The following GMDS variants were observed in gnomAD, a reference collection of about 807,000 sequenced individuals.
The protein encoded by GMDS is GDP-mannose 4,6-dehydratase.
A neutral mutation model predicts 49.9 loss-of-function variants in GMDS; 20 were observed. The ratio of observed to expected loss-of-function variants is 0.40; its 90% CI spans 0.28 to 0.58. GMDS has a LOEUF of 0.58. Ranked by LOEUF, GMDS falls within the 20% of genes least tolerant of loss-of-function variation. GMDS has a pLI of 0.42. For missense variants in GMDS, 362 were observed against 481.4 expected, an observed-to-expected ratio of 0.75 and a Z score of 2.32; for synonymous variants, 177 against 178.6, an observed-to-expected ratio of 0.99 and a Z score of 0.07.
At chr6:1,751,083 T>C (rs1360741446) in intron 7 of GMDS, among the ~76,000 whole-genome samples, 5 of 152,176 alleles carry the variant, frequency 3.3e-5, no homozygotes, top group African/African-American at 1.2e-4. Flanking sequence ...CAGGGGCTTA[T>C]AGATAAAACT....
chr6:1,917,580 C>G (rs1761468421), intron 7 of GMDS, among the ~76,000 whole-genome samples: 1 of 152,156 alleles, frequency 6.6e-6, no homozygotes, highest in Non-Finnish European at 1.5e-5. Flanking sequence ...AAATTTGAGA[C>G]CCAGGCAAAA....
At chr6:1,811,555 CTTT>C (rs67339222) in intron 7 of GMDS, among the ~76,000 whole-genome samples, 1 of 119,062 alleles carries the variant, frequency 8.4e-6, no homozygotes, top group Admixed American at 8.7e-5. Context: ...ACTAGTCAAG[CTTT>C]TTTTTTTTTT....
chr6:1,837,959 G>T (rs1263972042), intron 7 of GMDS, among the ~76,000 whole-genome samples: 4 of 152,134 alleles, frequency 2.6e-5, no homozygotes, highest in Non-Finnish European at 2.9e-5. Flanking sequence ...GCTCTGAAAG[G>T]CTTGACAAAT....
rs182750051 is a variant in GMDS, at chr6:1,712,846, T to G, written c.987+13570A>C. ...CTAGCAAGCAATAGGTTATTAAGTT[T>G]GGATTTCAATAGAGGTTGTTAGCAG... On this transcript the variant is annotated intron_variant, in intron 9 of 10. Coordinates refer to ENST00000380815, the MANE Select transcript of GMDS (RefSeq NM_001500.4). Among the ~76,000 whole-genome samples the G allele has an allele frequency of 2.6e-5, 4 of 152,300 alleles. No individual in the cohort carries two copies. The East Asian group carries it at 7.7e-4, about 29-fold the overall frequency.
Position 2,168,557 on chromosome 6 carries a change from T to C in GMDS, c.103-43826A>G, listed in dbSNP as rs2127552297. ...TTATACATTGAGAGAGGATACACTGTAGAAAAGACCCTAACTATGCTTCCA... is the reference window on the plus strand; with the variant it reads ...TTATACATTGAGAGAGGATACACTGCAGAAAAGACCCTAACTATGCTTCCA... On this transcript the variant is annotated intron_variant, in intron 1 of 10. Transcript: ENST00000380815. Among the ~76,000 whole-genome samples, 3 of 152,348 alleles carry C rather than the reference T, an allele frequency of 2.0e-5. 1 individual carries two copies. The South Asian group carries it at 6.2e-4, about 32-fold the overall frequency.
At chr6:2,051,711 GC>G (rs1770406544) in intron 4 of GMDS, among the ~76,000 whole-genome samples, 2 of 152,248 alleles carry the variant, frequency 1.3e-5, no homozygotes, top group East Asian at 3.9e-4. Context: ...TAAGTCTGGT[GC>G]CATATACCCT....
intron 1 of GMDS, among the ~76,000 whole-genome samples, chr6:2,244,955 G>A (rs1781793352): frequency 6.6e-6 from 1 of 152,160 alleles, no homozygotes; most frequent in African/African-American, 2.4e-5. Context: ...ATTGATCACC[G>A]GTTCTTTTCC....
At chr6:1,880,962 T>C (rs1759333169) in intron 7 of GMDS, among the ~76,000 whole-genome samples, 1 of 152,004 alleles carries the variant, frequency 6.6e-6, no homozygotes, top group African/African-American at 2.4e-5. Flanking sequence ...TGATGAAATA[T>C]TAAAGTAGAA....
At chr6:1,943,084 T>C (rs1762895147) in intron 6 of GMDS, among the ~76,000 whole-genome samples, 1 of 152,212 alleles carries the variant, frequency 6.6e-6, no homozygotes, top group African/African-American at 2.4e-5. Context: ...CTGTGTGCCC[T>C]GTCACCGGCC....
intron 7 of GMDS, among the ~76,000 whole-genome samples, chr6:1,838,563 C>T (rs1757024944): frequency 6.6e-6 from 1 of 152,180 alleles, no homozygotes; most frequent in Admixed American, 6.5e-5. Context: ...TTTACACTGA[C>T]TTGGCAATGC....
chr6:1,657,553 C>G (rs538437100), intron 9 of GMDS, among the ~76,000 whole-genome samples: 2 of 152,200 alleles, frequency 1.3e-5, no homozygotes, highest in Non-Finnish European at 2.9e-5. Flanking sequence ...AAGCAGGACA[C>G]TGATACCCTC....
At chr6:2,097,289 G>C (rs1773660276) in intron 4 of GMDS, among the ~76,000 whole-genome samples, 1 of 151,994 alleles carries the variant, frequency 6.6e-6, no homozygotes, top group Non-Finnish European at 1.5e-5. Flanking sequence ...TTGTTCTTGA[G>C]AGAGAGTAGA....
At chr6:2,034,202 C>A (rs1769146781) in intron 4 of GMDS, among the ~76,000 whole-genome samples, 1 of 152,108 alleles carries the variant, frequency 6.6e-6, no homozygotes, top group African/African-American at 2.4e-5. Flanking sequence ...CAGACAGTAA[C>A]TATTTTAAAC....
At chr6:1,713,149 T>A (rs1016345724) in intron 9 of GMDS, among the ~76,000 whole-genome samples, 1 of 152,244 alleles carries the variant, frequency 6.6e-6, no homozygotes, top group East Asian at 1.9e-4. Flanking sequence ...ACTGACTCTG[T>A]TTTATGTTTT....
intron 1 of GMDS, among the ~76,000 whole-genome samples, chr6:2,202,291 C>T (rs1210539246): frequency 6.6e-6 from 1 of 150,860 alleles, no homozygotes; most frequent in East Asian, 2.0e-4. Context: ...GCAGTGAGGG[C>T]AGCATGTTAG....
At chr6:1,677,769 C>G (rs1038117330) in intron 9 of GMDS, among the ~76,000 whole-genome samples, 1 of 128,314 alleles carries the variant, frequency 7.8e-6, no homozygotes, top group South Asian at 2.4e-4. Flanking sequence ...ACACAGGGTG[C>G]GGAACATCAC....
rs763837926 is a variant in GMDS, at chr6:1,775,436, C to T, written c.772-32850G>A. ...AACTCTATTAATATGTTGATTCTTACGATAAAACACTTTACTGTCACTTGC... is the reference window on the plus strand; with the variant it reads ...AACTCTATTAATATGTTGATTCTTATGATAAAACACTTTACTGTCACTTGC... On this transcript the variant is annotated intron_variant, in intron 7 of 10. Transcript: ENST00000380815. 8.5e-5 allele frequency among the ~76,000 whole-genome samples: 13 copies of T among 152,286 alleles called. No homozygotes were observed. The East Asian group carries it at 2.5e-3, about 29-fold the overall frequency.
At chr6:1,717,345 T>C (rs1454205226) in intron 9 of GMDS, among the ~76,000 whole-genome samples, 2 of 152,188 alleles carry the variant, frequency 1.3e-5, no homozygotes, top group Non-Finnish European at 2.9e-5. Context: ...TGCAGACAGG[T>C]TTCCAAGGGA....
chr6:1,953,138 G>C (rs2761236), intron 6 of GMDS, among the ~76,000 whole-genome samples: 99,236 of 152,068 alleles, frequency 0.65, 32,571 homozygotes, highest in African/African-American at 0.73. Context: ...GGTATGAGAG[G>C]CAGGCCTGCC....
Sources: gnomAD v4.1 joint callset for allele counts (sites outside exome capture counted in the v4.1 genomes callset) on GRCh38, gnomAD v4.1.1 for gene constraint, MANE v1.5 for transcripts, NCBI Gene and HGNC (gene_info 2026-07-23, HGNC 2026-07-21) for gene names.